The following PCDH15 variants were observed in gnomAD, a reference collection of about 807,000 sequenced individuals.
PCDH15 encodes protocadherin-15.
A neutral mutation model predicts 178.5 loss-of-function variants in PCDH15; 129 were observed. That is an observed-to-expected ratio of 0.72 (90% CI 0.63 to 0.84). The LOEUF (loss-of-function observed/expected upper bound fraction) is 0.84. PCDH15 is among the 40% of genes least tolerant of loss of function. The probability of loss-of-function intolerance (pLI) is 0.00; values close to 1 mark genes in which losing one functional copy is unlikely to be tolerated. For synonymous variants in PCDH15, 800 were observed against 732.0 expected, an observed-to-expected ratio of 1.09 and a Z score of -1.50; for missense variants, 2,230 against 2,099.9, an observed-to-expected ratio of 1.06 and a Z score of -1.21.
chr10:54,526,976 G>A (rs1930147), intron 3 of PCDH15, among the ~76,000 whole-genome samples: 103,673 of 152,000 alleles, frequency 0.68, 36,120 homozygotes, highest in East Asian at 0.97. Context: ...TAAAAAATAT[G>A]AAAGTGCAAG....
At chr10:54,554,979 C>T (rs774202205) in intron 2 of PCDH15, among the ~76,000 whole-genome samples, 1 of 151,936 alleles carries the variant, frequency 6.6e-6, no homozygotes, top group Non-Finnish European at 1.5e-5. Context: ...TAACTGTAAG[C>T]AGAAAGGACA....
chr10:54,062,844 G>A (rs1188264651), intron 18 of PCDH15, among the ~76,000 whole-genome samples: 1 of 152,052 alleles, frequency 6.6e-6, no homozygotes, highest in Non-Finnish European at 1.5e-5. Flanking sequence ...GTCTACTTGT[G>A]TGTTTTTAGT....
chr10:54,874,054 A>G (rs7913747), intron 3 of PCDH15, among the ~76,000 whole-genome samples: 81,733 of 82,274 alleles, frequency 0.99, 40,598 homozygotes, highest in East Asian at 1. Flanking sequence ...CATGTGCCAT[A>G]CTGGTGCGCT....
chr10:54,998,898 T>C (rs1420287893), intron 2 of PCDH15, among the ~76,000 whole-genome samples: 1 of 152,186 alleles, frequency 6.6e-6, no homozygotes, highest in Non-Finnish European at 1.5e-5. Context: ...ACAACGTGTA[T>C]GTTTTTATGT....
At chr10:54,560,891 G>T (rs1022608783) in intron 2 of PCDH15, among the ~76,000 whole-genome samples, 1 of 151,936 alleles carries the variant, frequency 6.6e-6, no homozygotes, top group Non-Finnish European at 1.5e-5. Context: ...CCATTGGATG[G>T]GTTGTGTTTG....
intron 4 of PCDH15, among the ~76,000 whole-genome samples, chr10:54,375,680 T>C (rs1948284419): frequency 6.6e-6 from 1 of 151,020 alleles, no homozygotes. Flanking sequence ...TTAAAGTTAA[T>C]TATAGGCTAG....
intron 15 of PCDH15, among the ~76,000 whole-genome samples, chr10:54,105,355 C>G (rs1019197642): frequency 7.6e-6 from 1 of 131,660 alleles, no homozygotes; most frequent in Non-Finnish European, 1.7e-5. Context: ...CACACACACA[C>G]ATACACAAAA....
intron 1 of PCDH15, among the ~76,000 whole-genome samples, chr10:54,745,224 C>T (rs538694315): frequency 6.6e-6 from 1 of 152,222 alleles, no homozygotes; most frequent in East Asian, 1.9e-4. Context: ...GTTGATTACT[C>T]TGAGTACCTA....
chr10:54,892,086 C>T (rs1270932633), intron 3 of PCDH15, among the ~76,000 whole-genome samples: 2 of 152,016 alleles, frequency 1.3e-5, no homozygotes, highest in African/African-American at 4.8e-5. Context: ...TACATACACC[C>T]CCAGACGCTA....
chr10:54,143,494 A>G (rs964346063), intron 14 of PCDH15, among the ~76,000 whole-genome samples: 2 of 152,130 alleles, frequency 1.3e-5, no homozygotes, highest in African/African-American at 4.8e-5. Context: ...CAGGTTACTG[A>G]TAACTTTGGA....
intron 2 of PCDH15, among the ~76,000 whole-genome samples, chr10:54,607,523 C>CT (rs1488332193): frequency 1.3e-5 from 2 of 151,992 alleles, no homozygotes; most frequent in Non-Finnish European, 2.9e-5. Flanking sequence ...CTCTCAATTC[C>CT]TGGCATATGT....
At chr10:54,118,954 C>T (rs1255161315) in intron 15 of PCDH15, among the ~76,000 whole-genome samples, 2 of 151,954 alleles carry the variant, frequency 1.3e-5, no homozygotes, top group East Asian at 1.9e-4. Flanking sequence ...ACAGCTCCCA[C>T]GATGGTGTCC....
At chr10:54,326,920 A>C (rs1027998135) in intron 7 of PCDH15, among the ~76,000 whole-genome samples, 1 of 152,156 alleles carries the variant, frequency 6.6e-6, no homozygotes, top group Non-Finnish European at 1.5e-5. Context: ...ACTTAAGTTT[A>C]TAACAAAAAC....
At chr10:54,135,884 G>A (rs1406545412) in intron 14 of PCDH15, among the ~76,000 whole-genome samples, 1 of 152,068 alleles carries the variant, frequency 6.6e-6, no homozygotes, top group Non-Finnish European at 1.5e-5. Context: ...TCTAAGGTCA[G>A]CATAAAGATG....
intron 1 of PCDH15, among the ~76,000 whole-genome samples, chr10:55,307,428 G>A (rs976436450): frequency 6.6e-6 from 1 of 151,670 alleles, no homozygotes; most frequent in Admixed American, 6.6e-5. Context: ...GCGTGAACCC[G>A]GGAGGCTGAG....
At chr10:54,053,530 G>A (rs2093822037) in intron 18 of PCDH15, among the ~76,000 whole-genome samples, 1 of 152,090 alleles carries the variant, frequency 6.6e-6, no homozygotes, top group Admixed American at 6.6e-5. Flanking sequence ...AAAACACCGA[G>A]GGTATAGGAA....
At chr10:54,914,555 A>G (rs1385585539) in intron 2 of PCDH15, among the ~76,000 whole-genome samples, 1 of 152,196 alleles carries the variant, frequency 6.6e-6, no homozygotes, top group Non-Finnish European at 1.5e-5. Flanking sequence ...AACTCAAAAC[A>G]TATGGAATAG....
intron 35 of PCDH15, among the ~76,000 whole-genome samples, chr10:53,814,534 A>T (rs1010468308): frequency 1.3e-5 from 2 of 152,178 alleles, no homozygotes; most frequent in African/African-American, 4.8e-5. Flanking sequence ...ATAGCCCTTG[A>T]TTCAATCAGT....
intron 1 of PCDH15, among the ~76,000 whole-genome samples, chr10:54,740,802 T>C (rs1449131539): frequency 6.6e-6 from 1 of 151,976 alleles, no homozygotes; most frequent in Non-Finnish European, 1.5e-5. Context: ...CTCACTAATA[T>C]GCGGGAGCTA....
Sources: allele counts gnomAD v4.1 joint callset (sites outside exome capture counted in the v4.1 genomes callset), GRCh38; gene constraint gnomAD v4.1.1; transcripts MANE v1.5; gene names NCBI Gene and HGNC (gene_info 2026-07-23, HGNC 2026-07-21).